GLCCI1: variants seen among roughly 807,000 people sequenced by gnomAD.
The protein encoded by GLCCI1 is glucocorticoid induced 1, also known as glucocorticoid-induced transcript 1 protein.
Under a neutral mutation model 52.2 loss-of-function variants are expected in GLCCI1, and 24 were observed. The ratio of observed to expected loss-of-function variants is 0.46; its 90% CI spans 0.33 to 0.65. The LOEUF is 0.65. GLCCI1 is among the 30% of genes least tolerant of loss of function. GLCCI1 has a pLI of 0.02. For synonymous variants in GLCCI1, 310 were observed against 276.5 expected (o/e 1.12, Z -1.20); for missense variants, 704 against 701.5 (o/e 1.00, Z -0.04).
chr7:7,990,230 C>A (rs537370727), intron 1 of GLCCI1, among the ~76,000 whole-genome samples: 17 of 152,168 alleles, frequency 1.1e-4, no homozygotes, highest in African/African-American at 4.1e-4. Flanking sequence ...TTAATTCACT[C>A]ATTTCTTGGG....
chr7:7,981,254 C>CTCTT lies in GLCCI1; in HGVS notation c.457+11448_457+11449insCTTT, dbSNP rs796366468. 2,086 of 245,538 alleles carry CTCTT rather than the reference C, an allele frequency of 8.5e-3. 41 individuals are homozygous for CTCTT. The highest frequency in any genetic ancestry group is 0.047 in the African/African-American group (1,958 of 41,322). The allele number at this position is 245,538 out of a possible 1,614,324, so 15.2% of individuals were successfully genotyped here. On this transcript the variant is annotated intron_variant, in intron 1 of 7. Coordinates refer to ENST00000223145, the MANE Select transcript of GLCCI1 (RefSeq NM_138426.4). ...TCCTCTGTTATTTCTTTCTTTCTTT[C>CTCTT]TTTCTCTTTTTTTCTTTCTTTCTTT...
chr7:8,016,811 A>G (rs1781390444), intron 2 of GLCCI1, among the ~76,000 whole-genome samples: 1 of 152,234 alleles, frequency 6.6e-6, no homozygotes, highest in African/African-American at 2.4e-5. Context: ...GTTGCCTTTG[A>G]TTAGAATCAA....
chr7:7,973,333 C>T (rs1780394066), intron 1 of GLCCI1, among the ~76,000 whole-genome samples: 1 of 151,550 alleles, frequency 6.6e-6, no homozygotes. Flanking sequence ...CCTCACAGAC[C>T]AGAACCCATG....
intron 1 of GLCCI1, among the ~76,000 whole-genome samples, chr7:7,972,989 A>G (rs181984647): frequency 9.9e-5 from 15 of 152,152 alleles, no homozygotes; most frequent in African/African-American, 3.6e-4. Flanking sequence ...TAAAACTTCA[A>G]GGTTTGTTAT....
chr7:8,012,432 CTTTTTTTTTTTTT>C (rs71014746), intron 2 of GLCCI1, among the ~76,000 whole-genome samples: 26 of 70,398 alleles, frequency 3.7e-4, no homozygotes, highest in African/African-American at 1.4e-3. Flanking sequence ...CCTTTTTATT[CTTTTTTTTTTTTT>C]TTTTTTTTTT....
chr7:8,051,866 C>T (rs947361274), intron 3 of GLCCI1, among the ~76,000 whole-genome samples: 1 of 152,126 alleles, frequency 6.6e-6, no homozygotes, highest in Non-Finnish European at 1.5e-5. Context: ...GATATGAATT[C>T]TTTGGTGGAT....
intron 2 of GLCCI1, among the ~76,000 whole-genome samples, chr7:8,006,130 A>C (rs1373553469): frequency 6.6e-6 from 1 of 152,244 alleles, no homozygotes; most frequent in East Asian, 1.9e-4. Context: ...CTTCACAAAA[A>C]TTCTGAAAAA....
chr7:7,987,562 A>G (rs1050298143), intron 1 of GLCCI1, among the ~76,000 whole-genome samples: 10 of 151,996 alleles, frequency 6.6e-5, no homozygotes, highest in Admixed American at 6.6e-4. Flanking sequence ...ACATTTTACT[A>G]CTTAGAGATC....
intron 3 of GLCCI1, among the ~76,000 whole-genome samples, chr7:8,026,648 A>T (rs556274088): frequency 6.6e-6 from 1 of 152,364 alleles, no homozygotes; most frequent in African/African-American, 2.4e-5. Flanking sequence ...GGAACTTTAC[A>T]CTGAACTCAG....
intron 3 of GLCCI1, among the ~76,000 whole-genome samples, chr7:8,024,134 A>G (rs551445724): frequency 6.6e-6 from 1 of 152,204 alleles, no homozygotes; most frequent in African/African-American, 2.4e-5. Context: ...ATTTTTTTTC[A>G]TATACCAGTT....
intron 5 of GLCCI1, among the ~76,000 whole-genome samples, chr7:8,064,851 G>T (rs565643380): frequency 6.6e-6 from 1 of 152,066 alleles, no homozygotes; most frequent in Non-Finnish European, 1.5e-5. Context: ...GGCACTACAA[G>T]CGTGTGCCAC....
chr7:8,042,487 TGTG>T (rs1289514404), intron 3 of GLCCI1, among the ~76,000 whole-genome samples: 2 of 152,148 alleles, frequency 1.3e-5, no homozygotes, highest in Admixed American at 1.3e-4. Context: ...TCACTGCAGA[TGTG>T]GTGGAAATAG....
intron 6 of GLCCI1, among the ~76,000 whole-genome samples, chr7:8,076,760 A>AT (rs1224196420): frequency 4.6e-5 from 7 of 152,212 alleles, no homozygotes; most frequent in Non-Finnish European, 1.0e-4. Flanking sequence ...ACAAGAGTAA[A>AT]TGACCATATT....
intron 6 of GLCCI1, among the ~76,000 whole-genome samples, chr7:8,081,566 A>G (rs1431219386): frequency 1.3e-5 from 2 of 152,198 alleles, no homozygotes; most frequent in Non-Finnish European, 2.9e-5. Flanking sequence ...AATTTTTTAT[A>G]CAAGAAGTGT....
chr7:8,030,053 T>C (rs1174196068), intron 3 of GLCCI1, among the ~76,000 whole-genome samples: 1 of 152,036 alleles, frequency 6.6e-6, no homozygotes, highest in East Asian at 1.9e-4. Context: ...AAACTAAAAT[T>C]TGTATGGAAT....
intron 3 of GLCCI1, among the ~76,000 whole-genome samples, chr7:8,050,446 A>C (rs1281324690): frequency 6.6e-6 from 1 of 152,164 alleles, no homozygotes; most frequent in Non-Finnish European, 1.5e-5. Flanking sequence ...GAGGGATATA[A>C]TATATAAAAT....
In GLCCI1 at chr7:8,087,897, A is replaced by G. The variant is rs1341415276; in HGVS notation, c.*1359A>G. 1.3e-5 allele frequency: 2 copies of G among 152,572 alleles called. No homozygotes were observed. The highest frequency in any genetic ancestry group is 2.9e-5 in the Non-Finnish European group (2 of 68,004). 9.5% of individuals were successfully genotyped at this position (152,572 alleles called of 1,614,324 possible). On this transcript the variant is annotated 3_prime_UTR_variant, in exon 8 of 8. Transcript: ENST00000223145. ...AGACTTTTGACACAAGTTCTCCACAAAGTGTGAAGAGAGCCCCAGGCATTC... is the reference window on the plus strand; with the variant it reads ...AGACTTTTGACACAAGTTCTCCACAGAGTGTGAAGAGAGCCCCAGGCATTC...
chr7:7,976,388 A>C (rs2115402917), intron 1 of GLCCI1, among the ~76,000 whole-genome samples: 1 of 148,618 alleles, frequency 6.7e-6, no homozygotes, highest in East Asian at 2.0e-4. Context: ...CTGAGACACG[A>C]AAGTTGCTTG....
At chr7:7,987,093 C>A (rs111599266) in intron 1 of GLCCI1, among the ~76,000 whole-genome samples, 1,907 of 152,168 alleles carry the variant, frequency 0.013, 22 homozygotes, top group Middle Eastern at 0.044. Context: ...AACAAAAAAA[C>A]CCCACAAAAA....
Sources: gnomAD v4.1 joint callset for allele counts (sites outside exome capture counted in the v4.1 genomes callset) on GRCh38, gnomAD v4.1.1 for gene constraint, MANE v1.5 for transcripts, NCBI Gene and HGNC (gene_info 2026-07-23, HGNC 2026-07-21) for gene names.